SLC25A21: variants seen among roughly 807,000 people sequenced by gnomAD.
The protein encoded by SLC25A21 is mitochondrial 2-oxodicarboxylate carrier.
SLC25A21 carries 47 observed loss-of-function variants against 43.8 expected under a neutral mutation model. The observed-to-expected ratio is 1.07, with a 90% CI of 0.85 to 1.37. The LOEUF (loss-of-function observed/expected upper bound fraction) is 1.37, where lower values mean the gene tolerates loss of function less well. SLC25A21 is among the 40% of genes most tolerant of loss of function. SLC25A21 has a pLI of 0.00. For missense variants in SLC25A21, 352 were observed against 350.2 expected (o/e 1.00, Z -0.04); for synonymous variants, 131 against 121.3 (o/e 1.08, Z -0.52).
chr14:36,867,142 A>G (rs1890235588), intron 2 of SLC25A21, among the ~76,000 whole-genome samples: 1 of 152,104 alleles, frequency 6.6e-6, no homozygotes. Context: ...TGCTCGAGGT[A>G]CAGCTAATGG....
intron 2 of SLC25A21, 122 bp from the exon 3 acceptor site, chr14:36,814,123 G>GATTTTATTC: frequency 1.6e-6 from 1 of 609,494 alleles, no homozygotes; most frequent in Non-Finnish European, 2.8e-6. Flanking sequence ...CTTTGGTATG[G>GATTTTATTC]ATTTTATTCA....
chr14:36,711,415 T>C lies in SLC25A21; in HGVS notation c.506A>G (p.Asn169Ser), dbSNP rs1207469237. The change falls in exon 7 of 10, where the codon AAC (asparagine) becomes AGC (serine). Residue 169 changes from asparagine to serine, a missense_variant. Asn to Ser is a conservative substitution (Grantham distance 46, BLOSUM62 1). Transcript: ENST00000331299. ...KKEGWGLQGL[N>S]KGLTATLGRH... ...TCCCAAAGTTGCAGTTAATCCTTTG[T>C]TGAGGCCCTGGAGTCCCCAGCCTTC... The C allele has an allele frequency of 1.2e-6, 2 of 1,614,180 alleles. No homozygotes were observed. Among genetic ancestry groups the C allele is most frequent in the Non-Finnish European group, 1.7e-6 (2 of 1,180,024 alleles).
chr14:37,145,474 C>CAGAGAGAG (rs371272773), intron 1 of SLC25A21, among the ~76,000 whole-genome samples: 52 of 119,572 alleles, frequency 4.3e-4, no homozygotes, highest in African/African-American at 1.7e-3. Flanking sequence ...CACACACACA[C>CAGAGAGAG]ACAGAGAGAT....
At chr14:36,797,863 A>G (rs1887727453) in intron 3 of SLC25A21, among the ~76,000 whole-genome samples, 1 of 152,212 alleles carries the variant, frequency 6.6e-6, no homozygotes, top group Non-Finnish European at 1.5e-5. Context: ...GCCCCAATAA[A>G]CATTAGATTA....
chr14:36,876,901 A>ATAGATAGG (rs1890545857), intron 1 of SLC25A21, among the ~76,000 whole-genome samples: 2 of 121,990 alleles, frequency 1.6e-5, no homozygotes, highest in African/African-American at 6.3e-5. Context: ...GGGATTATAG[A>ATAGATAGG]TAGATAGATA....
At chr14:37,063,041 G>C (rs538652234) in intron 1 of SLC25A21, among the ~76,000 whole-genome samples, 2 of 152,190 alleles carry the variant, frequency 1.3e-5, no homozygotes, top group Admixed American at 6.5e-5. Context: ...CAGCAGGAGA[G>C]AGAATGAGTG....
chr14:37,044,358 G>C (rs988759584), intron 1 of SLC25A21, among the ~76,000 whole-genome samples: 2 of 151,966 alleles, frequency 1.3e-5, no homozygotes, highest in Non-Finnish European at 2.9e-5. Flanking sequence ...CAAATATTTA[G>C]CTTACTTGTC....
At position 36,714,306 on chromosome 14, in the gene SLC25A21, G is replaced by A. The variant is rs188378997; in HGVS notation, c.439-2824C>T. On this transcript the variant is annotated intron_variant, in intron 6 of 9. Transcript: ENST00000331299. ...CTGGCTGTCCTTTCCTTTTCCCAGA[G>A]TCCCAGACCTTTGTGATAAAGTCCA... 7.3e-3 allele frequency among the ~76,000 whole-genome samples: 1,106 copies of A among 152,286 alleles called. 14 individuals carry two copies. The highest frequency in any genetic ancestry group is 0.026 in the African/African-American group (1,071 of 41,544).
intron 1 of SLC25A21, among the ~76,000 whole-genome samples, chr14:36,956,146 C>T (rs895413947): frequency 1.3e-5 from 2 of 152,134 alleles, no homozygotes; most frequent in African/African-American, 4.8e-5. Flanking sequence ...ATTAGCATCA[C>T]GCTGAGCCTC....
intron 1 of SLC25A21, among the ~76,000 whole-genome samples, chr14:37,024,898 A>C (rs1027888834): frequency 3.9e-5 from 6 of 152,170 alleles, no homozygotes. Context: ...TGCAATATTT[A>C]GAAAATACTT....
intron 2 of SLC25A21, chr14:36,870,910 T>C: frequency 6.6e-6 from 1 of 152,176 alleles, no homozygotes; most frequent in East Asian, 1.9e-4. Flanking sequence ...ATCATATTTC[T>C]TCTCCTTCTG....
At chr14:37,088,743 G>A (rs1594786841) in intron 1 of SLC25A21, among the ~76,000 whole-genome samples, 1 of 152,180 alleles carries the variant, frequency 6.6e-6, no homozygotes, top group East Asian at 1.9e-4. Flanking sequence ...GCTAGCATAA[G>A]CCATAGGATC....
chr14:36,945,979 C>T (rs1022879567), intron 1 of SLC25A21, among the ~76,000 whole-genome samples: 1 of 152,078 alleles, frequency 6.6e-6, no homozygotes, highest in African/African-American at 2.4e-5. Flanking sequence ...AATATATAAA[C>T]ATAAGCAAGC....
At chr14:37,116,382 G>T (rs1443589734) in intron 1 of SLC25A21, among the ~76,000 whole-genome samples, 1 of 152,108 alleles carries the variant, frequency 6.6e-6, no homozygotes, top group Admixed American at 6.6e-5. Flanking sequence ...CAACACTTAA[G>T]ATACAATGGT....
At chr14:36,805,017 T>G (rs914633346) in intron 3 of SLC25A21, among the ~76,000 whole-genome samples, 3 of 152,160 alleles carry the variant, frequency 2.0e-5, no homozygotes, top group African/African-American at 4.8e-5. Flanking sequence ...AATCCCACCT[T>G]TCCCCTCCAC....
intron 3 of SLC25A21, among the ~76,000 whole-genome samples, chr14:36,806,053 A>G (rs540395651): frequency 6.7e-6 from 1 of 149,264 alleles, no homozygotes; most frequent in Non-Finnish European, 1.5e-5. Context: ...TGTCTCTACT[A>G]AAGATATAAA....
chr14:37,144,447 T>C (rs1963624731), intron 1 of SLC25A21, among the ~76,000 whole-genome samples: 1 of 152,196 alleles, frequency 6.6e-6, no homozygotes, highest in South Asian at 2.1e-4. Context: ...AATTATTTGA[T>C]AGAGTGACTA....
At chr14:36,905,051 T>C (rs1265317390) in intron 1 of SLC25A21, among the ~76,000 whole-genome samples, 1 of 152,168 alleles carries the variant, frequency 6.6e-6, no homozygotes, top group Non-Finnish European at 1.5e-5. Context: ...GCCAAAATTA[T>C]TGGTTCTAAG....
intron 4 of SLC25A21, among the ~76,000 whole-genome samples, chr14:36,730,426 C>A (rs954170377): frequency 6.6e-6 from 1 of 152,108 alleles, no homozygotes; most frequent in Non-Finnish European, 1.5e-5. Flanking sequence ...TTAAGTTCTG[C>A]TAGAGTCTGA....
Sources: gnomAD v4.1 joint callset for allele counts (sites outside exome capture counted in the v4.1 genomes callset) on GRCh38, gnomAD v4.1.1 for gene constraint, MANE v1.5 for transcripts, NCBI Gene and HGNC (gene_info 2026-07-23, HGNC 2026-07-21) for gene names.